ACOXL: variants seen among roughly 807,000 people sequenced by gnomAD.
ACOXL encodes the protein acyl-CoA oxidase like.
In ACOXL, 70 loss-of-function variants were observed where a neutral mutation model predicts 71.9. That is an observed-to-expected ratio of 0.97 (90% CI 0.80 to 1.19). The LOEUF (loss-of-function observed/expected upper bound fraction) is 1.19. ACOXL is among the 50% of genes most tolerant of loss of function. ACOXL has a pLI of 0.00. For synonymous variants in ACOXL, 253 were observed against 281.6 expected (o/e 0.90, Z 1.02); for missense variants, 703 against 736.3 (o/e 0.95, Z 0.52).
intron 9 of ACOXL, among the ~76,000 whole-genome samples, chr2:110,824,723 G>A (rs1056041823): frequency 6.6e-6 from 1 of 151,618 alleles, no homozygotes; most frequent in Admixed American, 6.6e-5. Context: ...TCATTAATTA[G>A]TGCATATTTT....
At chr2:110,917,304 A>G (rs2059898252) in intron 11 of ACOXL, among the ~76,000 whole-genome samples, 2 of 152,228 alleles carry the variant, frequency 1.3e-5, no homozygotes, top group Non-Finnish European at 2.9e-5. Flanking sequence ...GACAAAAACC[A>G]CATGATTATC....
At chr2:110,794,419 T>C (rs1053955809) in intron 5 of ACOXL, among the ~76,000 whole-genome samples, 5 of 152,252 alleles carry the variant, frequency 3.3e-5, no homozygotes, top group African/African-American at 1.2e-4. Flanking sequence ...TGAACACTGC[T>C]TCAAGCACTT....
At chr2:110,813,888 C>T (rs749751119) in intron 9 of ACOXL, among the ~76,000 whole-genome samples, 1 of 152,142 alleles carries the variant, frequency 6.6e-6, no homozygotes, top group Non-Finnish European at 1.5e-5. Flanking sequence ...GTCCTGATTC[C>T]CATTTTCCAC....
At chr2:110,733,368 A>G (rs1167633895) in intron 1 of ACOXL, among the ~76,000 whole-genome samples, 1 of 152,214 alleles carries the variant, frequency 6.6e-6, no homozygotes, top group Non-Finnish European at 1.5e-5. Context: ...AGCCCTGAGA[A>G]GCAGGCAGAG....
chr2:110,763,503 A>T (rs1007235130), intron 1 of ACOXL, among the ~76,000 whole-genome samples: 1 of 152,196 alleles, frequency 6.6e-6, no homozygotes, highest in African/African-American at 2.4e-5. Flanking sequence ...ACCCCCACAT[A>T]AATCTATACA....
At chr2:111,063,698 T>G (rs1290520245) in intron 16 of ACOXL, among the ~76,000 whole-genome samples, 1 of 152,030 alleles carries the variant, frequency 6.6e-6, no homozygotes, top group Non-Finnish European at 1.5e-5. Context: ...TTGAATGCTG[T>G]CCCCCTAACA....
intron 15 of ACOXL, among the ~76,000 whole-genome samples, chr2:111,036,486 A>G (rs181856915): frequency 2.0e-5 from 3 of 152,352 alleles, no homozygotes; most frequent in South Asian, 4.1e-4. Context: ...ATTCACTGCC[A>G]AATCCCAGTA....
chr2:110,903,089 G>A (rs887884167), intron 10 of ACOXL, among the ~76,000 whole-genome samples: 2 of 152,222 alleles, frequency 1.3e-5, no homozygotes, highest in Non-Finnish European at 2.9e-5. Context: ...CAGAGTCCAG[G>A]GTGAGGCTTA....
At chr2:110,876,689 G>A (rs1695949809) in intron 10 of ACOXL, among the ~76,000 whole-genome samples, 2 of 152,190 alleles carry the variant, frequency 1.3e-5, no homozygotes, top group South Asian at 2.1e-4. Flanking sequence ...ATGGCATGGC[G>A]ACGAATTTAA....
rs1687345796 is a variant in ACOXL, at chr2:110,811,730, T to TACATACACAC, written c.753+6338_753+6339insTACACACACA. 3.9e-5 allele frequency among the ~76,000 whole-genome samples: 4 copies of TACATACACAC among 101,662 alleles called. No individual in the cohort carries two copies. In the South Asian group the frequency reaches 1.6e-3, roughly 40 times the overall value. The allele number at this position is 101,662 out of a possible 152,430, so 66.7% of individuals were successfully genotyped here. On this transcript the variant is annotated intron_variant, in intron 9 of 17. Coordinates refer to ENST00000439055, the MANE Select transcript of ACOXL (RefSeq NM_001142807.4). ...CGTTATCCTTTTTGTTTTTTTTGCATACACACACACACACACACACACACA... is the reference window on the plus strand; with the variant it reads ...CGTTATCCTTTTTGTTTTTTTTGCATACATACACACACACACACACACACACACACACACA...
At chr2:111,003,550 CAAAAAAAAAAAAAAAAAAA>C (rs548001377) in intron 14 of ACOXL, among the ~76,000 whole-genome samples, 2 of 35,332 alleles carry the variant, frequency 5.7e-5, no homozygotes, top group African/African-American at 1.9e-4. Context: ...GACTCTGTCT[CAAAAAAAAAAAAAAAAAAA>C]AAAAAAAAAA....
At chr2:110,797,162 A>G (rs1685382958) in intron 5 of ACOXL, among the ~76,000 whole-genome samples, 1 of 152,174 alleles carries the variant, frequency 6.6e-6, no homozygotes, top group Non-Finnish European at 1.5e-5. Flanking sequence ...TGAGGGGAGC[A>G]TTTCCACTAT....
At chr2:111,033,433 GCATATCTT>G (rs963387851) in intron 15 of ACOXL, among the ~76,000 whole-genome samples, 9 of 152,210 alleles carry the variant, frequency 5.9e-5, no homozygotes, top group Non-Finnish European at 1.0e-4. Context: ...TGTTCTACGA[GCATATCTT>G]CAGATAGAAT....
intron 9 of ACOXL, among the ~76,000 whole-genome samples, chr2:110,830,779 C>G (rs545155399): frequency 1.5e-4 from 23 of 152,210 alleles, no homozygotes; most frequent in Non-Finnish European, 2.4e-4. Flanking sequence ...GTGATCCCCC[C>G]ACCTCGGCCT....
intron 12 of ACOXL, among the ~76,000 whole-genome samples, chr2:110,985,119 A>G (rs555717364): frequency 6.6e-6 from 1 of 152,358 alleles, no homozygotes; most frequent in East Asian, 1.9e-4. Flanking sequence ...AGCAAAAACA[A>G]AGTTAAATCT....
chr2:110,911,041 C>T lies in ACOXL; in HGVS notation c.905+2136C>T, dbSNP rs772060980. 5.3e-5 allele frequency among the ~76,000 whole-genome samples: 8 copies of T among 151,986 alleles called. 1 individual carries two copies. The highest frequency in any genetic ancestry group is 4.6e-4 in the Admixed American group (7 of 15,252). ...GTAACTTAATAGTAAGTCCTGAAAT[C>T]AGGTGGTAGGTCTGACCTTACAGAA... On this transcript the variant is annotated intron_variant, in intron 11 of 17. Coordinates refer to ENST00000439055, the MANE Select transcript of ACOXL (RefSeq NM_001142807.4).
At position 110,805,347 on chromosome 2, in the gene ACOXL, G is replaced by T. The variant is rs1294671248; in HGVS notation, c.705G>T (p.Leu235=). The T allele has an allele frequency of 1.2e-6, 2 of 1,614,228 alleles. No individual in the cohort carries two copies. Among genetic ancestry groups the T allele is most frequent in the South Asian group, 2.2e-5 (2 of 91,090 alleles). Residue 235 remains leucine (L), a synonymous_variant, in exon 9 of 18, where the codon CTG becomes CTT. Transcript: ENST00000439055. ...GATTCAATGCCATGCTGGCAGCACT[G>T]ACCCCTTCGAGATTAGCTGTGGCTT... The part of the protein sequence containing the change: ...SARFNAMLAA[L]TPSRLAVAFQ...
At chr2:111,087,192 T>C (rs771057940) in intron 16 of ACOXL, among the ~76,000 whole-genome samples, 1 of 152,180 alleles carries the variant, frequency 6.6e-6, no homozygotes, top group Non-Finnish European at 1.5e-5. Context: ...TGCTCATGGA[T>C]AGGAAGAATC....
intron 1 of ACOXL, among the ~76,000 whole-genome samples, chr2:110,750,927 C>T (rs111895630): frequency 6.6e-5 from 10 of 152,026 alleles, no homozygotes; most frequent in African/African-American, 2.4e-4. Context: ...TCAAACGATT[C>T]GCCTGCCTTG....
Sources: gnomAD v4.1 joint callset for allele counts (sites outside exome capture counted in the v4.1 genomes callset) on GRCh38, gnomAD v4.1.1 for gene constraint, MANE v1.5 for transcripts, NCBI Gene and HGNC (gene_info 2026-07-23, HGNC 2026-07-21) for gene names.